The following EPHA4 variants were observed in gnomAD, a reference collection of about 807,000 sequenced individuals.
The protein encoded by EPHA4 is ephrin type-A receptor 4.
A neutral mutation model predicts 108.3 loss-of-function variants in EPHA4; 19 were observed. The observed-to-expected ratio is 0.18, with a 90% CI of 0.12 to 0.26. The LOEUF (loss-of-function observed/expected upper bound fraction) is 0.26. Ranked by LOEUF, EPHA4 falls within the 10% of genes least tolerant of loss-of-function variation. The pLI is 1.00. For synonymous variants in EPHA4, 449 were observed against 455.5 expected (o/e 0.99, Z 0.18); for missense variants, 917 against 1,254.0 (o/e 0.73, Z 4.06).
At chr2:221,549,682 T>C (rs1378458887) in intron 3 of EPHA4, among the ~76,000 whole-genome samples, 1 of 152,242 alleles carries the variant, frequency 6.6e-6, no homozygotes, top group African/African-American at 2.4e-5. Context: ...GTTTAAGATC[T>C]ACACAAAGCC....
At chr2:221,434,623 C>T (rs749946439) in intron 13 of EPHA4, among the ~76,000 whole-genome samples, 16 of 152,186 alleles carry the variant, frequency 1.1e-4, no homozygotes, top group Non-Finnish European at 1.9e-4. Context: ...TGATATGTAG[C>T]TGACATTTGT....
intron 3 of EPHA4, among the ~76,000 whole-genome samples, chr2:221,510,730 G>A (rs1692803126): frequency 6.6e-6 from 1 of 152,168 alleles, no homozygotes; most frequent in African/African-American, 2.4e-5. Context: ...CAAAAAGAAT[G>A]CAGTGGGGGA....
intron 3 of EPHA4, among the ~76,000 whole-genome samples, chr2:221,553,162 A>T (rs1694209529): frequency 6.6e-6 from 1 of 152,240 alleles, no homozygotes; most frequent in Admixed American, 6.5e-5. Context: ...ACAAGACATA[A>T]TTAAGGGCCT....
At chr2:221,510,777 G>A (rs1692804605) in intron 3 of EPHA4, among the ~76,000 whole-genome samples, 1 of 152,174 alleles carries the variant, frequency 6.6e-6, no homozygotes, top group Admixed American at 6.5e-5. Flanking sequence ...CTTTAGAACA[G>A]ATCATCTGAT....
At position 221,554,553 on chromosome 2, in the gene EPHA4, A is replaced by T. The variant is rs867107528; in HGVS notation, c.823+9178T>A. Among the ~76,000 whole-genome samples, 13 of 152,324 alleles carry T rather than the reference A, an allele frequency of 8.5e-5. No homozygotes were observed. In the Middle Eastern group the frequency reaches 0.02, roughly 239 times the overall value. On this transcript the variant is annotated intron_variant, in intron 3 of 17. Transcript: ENST00000281821. ...GGAATAAAGGTAAGGTTAAAAAATA[A>T]GTAAATTTGGAGACACTGGGGGGAG...
chr2:221,508,604 G>A (rs1468125746), intron 3 of EPHA4, among the ~76,000 whole-genome samples: 2 of 149,274 alleles, frequency 1.3e-5, no homozygotes. Context: ...AAAAAAAAGA[G>A]TAAGAAAGAA....
At chr2:221,548,092 T>A (rs1342705741) in intron 3 of EPHA4, among the ~76,000 whole-genome samples, 2 of 152,150 alleles carry the variant, frequency 1.3e-5, no homozygotes, top group Non-Finnish European at 2.9e-5. Flanking sequence ...TGGGAGGTGA[T>A]CGGATCATGG....
intron 5 of EPHA4, 26 bp downstream of exon 5, chr2:221,482,326 T>C (rs767959504): frequency 8.4e-6 from 13 of 1,550,136 alleles, no homozygotes; most frequent in Middle Eastern, 2.0e-4. Context: ...ATTCAGATCA[T>C]ACAATAAAGT....
intron 4 of EPHA4, among the ~76,000 whole-genome samples, chr2:221,491,826 ATC>A (rs1340176844): frequency 1.3e-5 from 2 of 152,012 alleles, no homozygotes; most frequent in African/African-American, 4.8e-5. Context: ...CTATAGCAGA[ATC>A]TCTCATAAAT....
At chr2:221,495,454 C>T (rs1407500296) in intron 4 of EPHA4, among the ~76,000 whole-genome samples, 1 of 152,226 alleles carries the variant, frequency 6.6e-6, no homozygotes, top group Admixed American at 6.5e-5. Context: ...GGCCTAACCT[C>T]GCTCCTCCTA....
rs142675827 is a variant in EPHA4, at chr2:221,474,299, G to T, written c.1318+8053C>A. Among the ~76,000 whole-genome samples, 256 of 151,496 alleles carry T rather than the reference G, an allele frequency of 1.7e-3. 1 individual carries two copies. Among genetic ancestry groups the T allele is most frequent in the African/African-American group, 5.8e-3 (238 of 41,258 alleles). On this transcript the variant is annotated intron_variant, in intron 5 of 17. Transcript: ENST00000281821. ...GAGGCTGCGCCATTGTATATCTGCT[G>T]GTTTATTTTATTTTTAATTACGATC...
chr2:221,562,846 T>C (rs1315641388), intron 3 of EPHA4, among the ~76,000 whole-genome samples: 1 of 152,112 alleles, frequency 6.6e-6, no homozygotes, highest in East Asian at 1.9e-4. Context: ...AAGGACTTTA[T>C]ACACTCCCCA....
At chr2:221,443,427 CCA>C in intron 10 of EPHA4, 64 bp downstream of exon 10, 1 of 1,192,470 alleles carries the variant, frequency 8.4e-7, no homozygotes, top group African/African-American at 1.5e-5. Flanking sequence ...TTTATGTAAT[CCA>C]CACACATATT....
At chr2:221,453,385 C>G in intron 8 of EPHA4, among the ~76,000 whole-genome samples, 1 of 151,918 alleles carries the variant, frequency 6.6e-6, no homozygotes, top group Non-Finnish European at 1.5e-5. Flanking sequence ...CTATACACTC[C>G]CCCACATGCT....
chr2:221,502,311 G>A (rs1219049561), intron 3 of EPHA4, among the ~76,000 whole-genome samples: 1 of 152,054 alleles, frequency 6.6e-6, no homozygotes, highest in Non-Finnish European at 1.5e-5. Flanking sequence ...AGGCCATTAA[G>A]AGTAAAGTTA....
rs536766617 is a variant in EPHA4 at position 221,442,777 on chromosome 2, T to A, written c.2074+52A>T. 19 of 1,586,768 alleles carry A rather than the reference T, an allele frequency of 1.2e-5. No individual in the cohort carries two copies. In the South Asian group the frequency reaches 2.0e-4, roughly 17 times the overall value. On this transcript the variant is annotated intron_variant, in intron 11 of 17. Transcript: ENST00000281821. ...TTTCCCTGGAAAGAAAATGTGTGTTTAATTTCCCAGTAACTTCTAGCTTGG... is the reference window on the plus strand; with the variant it reads ...TTTCCCTGGAAAGAAAATGTGTGTTAAATTTCCCAGTAACTTCTAGCTTGG...
At chr2:221,498,196 T>G (rs565285452) in intron 4 of EPHA4, among the ~76,000 whole-genome samples, 1 of 152,266 alleles carries the variant, frequency 6.6e-6, no homozygotes, top group Non-Finnish European at 1.5e-5. Flanking sequence ...GAAAAATACC[T>G]GGGAGAAAGA....
rs528639136 is a variant in EPHA4, at chr2:221,557,208, T to C, written c.823+6523A>G. 1.3e-3 allele frequency among the ~76,000 whole-genome samples: 195 copies of C among 152,290 alleles called. 1 individual carries two copies. The highest frequency in any genetic ancestry group is 1.3e-3 in the Non-Finnish European group (86 of 68,034). On this transcript the variant is annotated intron_variant, in intron 3 of 17. Transcript: ENST00000281821. ...CTTGGGGCACAGAGGATTGGATCAA[T>C]GTAGACAAGACCAGCCATTTGGTAC... is the stretch of plus-strand genomic sequence containing the variant.
In EPHA4 at chr2:221,571,779, C is replaced by T. The variant is rs1694845433; in HGVS notation, c.91+379G>A. ...CAAGCCTTCACTGTGCTCCAGGCTG[C>T]GTTTTCCCCTCGCCCCGGGCTGGCT... On this transcript the variant is annotated intron_variant, in intron 1 of 17. Transcript: ENST00000281821. The surrounding 1 kb of genome is among the most constrained non-coding windows in gnomAD (Gnocchi z 6.3). 6.6e-6 allele frequency among the ~76,000 whole-genome samples: 1 copy of T among 152,176 alleles called. No individual in the cohort carries two copies. Among genetic ancestry groups the T allele is most frequent in the Non-Finnish European group, 1.5e-5 (1 of 68,024 alleles).
Sources: gnomAD v4.1 joint callset for allele counts (sites outside exome capture counted in the v4.1 genomes callset) on GRCh38, gnomAD v4.1.1 for gene constraint, Gnocchi (gnomAD v3.1) non-coding constraint, MANE v1.5 for transcripts, NCBI Gene and HGNC (gene_info 2026-07-23, HGNC 2026-07-21) for gene names.